LAMA3: variants seen among roughly 807,000 people sequenced by gnomAD.
LAMA3 encodes laminin subunit alpha-3.
Under a neutral mutation model 402.0 loss-of-function variants are expected in LAMA3, and 281 were observed. The ratio of observed to expected loss-of-function variants is 0.70; its 90% CI spans 0.63 to 0.77. LAMA3 has a LOEUF of 0.77. LAMA3 is among the 30% of genes least tolerant of loss of function. The pLI, the probability that LAMA3 is intolerant of heterozygous loss-of-function variation, is 0.00. For synonymous variants in LAMA3, 1,431 were observed against 1,558.4 expected (o/e 0.92, Z 1.93); for missense variants, 3,840 against 4,215.5 (o/e 0.91, Z 2.47).
At chr18:23,921,702 C>A in intron 62 of LAMA3, 117 bp downstream of exon 62, 1 of 996,062 alleles carries the variant, frequency 1.0e-6, no homozygotes, top group Non-Finnish European at 1.6e-6. Flanking sequence ...AAAAAGTTAA[C>A]TTTTCCATAT....
Position 23,813,105 on chromosome 18 carries a change from T to A in LAMA3, c.1788+2T>A. ...GCTGGTACCATCAACTCCAATTTGG[T>A]AAGTAGACTATAAAAGGGTTGCAAT... On this transcript the variant is annotated splice_donor_variant, in intron 14 of 74. Transcript: ENST00000313654. LOFTEE classifies it high-confidence loss of function. The A allele has an allele frequency of 6.3e-7, 1 of 1,596,056 alleles. No homozygotes were observed. Among genetic ancestry groups the A allele is most frequent in the Non-Finnish European group, 8.6e-7 (1 of 1,163,598 alleles).
rs183887514 is a variant in LAMA3, at chr18:23,954,768, G to A, written c.*120G>A. The A allele has an allele frequency of 1.6e-5, 18 of 1,091,452 alleles. No individual in the cohort carries two copies. Among genetic ancestry groups the A allele is most frequent in the Admixed American group, 8.7e-5 (5 of 57,450 alleles). The allele number at this position is 1,091,452 out of a possible 1,614,324, so 67.6% of individuals were successfully genotyped here. A position where few individuals can be genotyped will look rare whatever the true frequency, so the allele number is the denominator to read the frequency against. On this transcript the variant is annotated 3_prime_UTR_variant, in exon 75 of 75. Coordinates refer to ENST00000313654, the MANE Select transcript of LAMA3 (RefSeq NM_198129.4). ...ACACAAACCAGACAGGTTTAATAGC[G>A]AATCTAATTTTGAATTCTGACCATG...
chr18:23,932,888 A>T (rs956305738), intron 66 of LAMA3, among the ~76,000 whole-genome samples: 2 of 152,196 alleles, frequency 1.3e-5, no homozygotes, highest in Non-Finnish European at 2.9e-5. Context: ...CCCACCCATC[A>T]GGGCTCCATC....
intron 11 of LAMA3, chr18:23,781,386 A>G (rs2143970933): frequency 2.3e-6 from 1 of 441,982 alleles, no homozygotes; most frequent in South Asian, 1.6e-5. Context: ...ACTTTCTTCT[A>G]CCCTCTTAGG....
intron 2 of LAMA3, among the ~76,000 whole-genome samples, chr18:23,743,450 A>C (rs2061598102): frequency 6.6e-6 from 1 of 151,984 alleles, no homozygotes; most frequent in South Asian, 2.1e-4. Context: ...CCATCCATCC[A>C]CTCATTTATT....
rs1216719180 is a variant in LAMA3, at chr18:23,951,667, A to G, written c.9643-17A>G. On this transcript the variant is annotated splice_polypyrimidine_tract_variant and intron_variant, in intron 72 of 74. Coordinates refer to ENST00000313654, the MANE Select transcript of LAMA3 (RefSeq NM_198129.4). ...CTGCCTTCCTGAAGGAAATAGGAAA[A>G]TGCATGTGTGTTCCAGGTCACGGCC... 4.4e-6 allele frequency: 7 copies of G among 1,608,336 alleles called. No homozygotes were observed. The highest frequency in any genetic ancestry group is 1.1e-5 in the South Asian group (1 of 90,760).
At chr18:23,954,421 A>AAT in intron 74 of LAMA3, 82 bp from the exon 75 acceptor site, 1 of 1,263,352 alleles carries the variant, frequency 7.9e-7, no homozygotes. Flanking sequence ...AAAAAAAAAA[A>AAT]AATACTATCT....
Position 23,953,012 on chromosome 18 carries a change from G to A in LAMA3, c.9759G>A (p.Leu3253=). ...SVAVTIKQHI[L]HLELDTDSSY... ...CAGTCACCATAAAACAACACATCCT[G>A]CACCTGGAACTGGACACAGACAGTA... Residue 3253 remains leucine (L), a synonymous_variant, in exon 74 of 75, where the codon CTG becomes CTA. Transcript: ENST00000313654. The A allele has an allele frequency of 6.2e-7, 1 of 1,614,062 alleles. No homozygotes were observed. Among genetic ancestry groups the A allele is most frequent in the South Asian group, 1.1e-5 (1 of 91,078 alleles).
At chr18:23,817,965 C>T (rs981866251) in intron 18 of LAMA3, among the ~76,000 whole-genome samples, 6 of 152,020 alleles carry the variant, frequency 3.9e-5, no homozygotes, top group Admixed American at 1.3e-4. Flanking sequence ...ACCAGCCTGG[C>T]CAACATGGTG....
chr18:23,910,942 T>C (rs905487976), intron 55 of LAMA3, among the ~76,000 whole-genome samples: 5 of 152,112 alleles, frequency 3.3e-5, no homozygotes, highest in Non-Finnish European at 7.4e-5. Flanking sequence ...TGCATGGGAA[T>C]TTGCATGGGA....
At chr18:23,799,864 A>C (rs1284395797) in intron 12 of LAMA3, among the ~76,000 whole-genome samples, 1 of 152,246 alleles carries the variant, frequency 6.6e-6, no homozygotes, top group Non-Finnish European at 1.5e-5. Context: ...CTGCAGCTCA[A>C]GTCCAAAGAC....
intron 12 of LAMA3, among the ~76,000 whole-genome samples, chr18:23,807,382 GT>G (rs951973608): frequency 6.6e-6 from 1 of 152,046 alleles, no homozygotes; most frequent in African/African-American, 2.4e-5. Flanking sequence ...ATTAGTCAGG[GT>G]TCTCTAGATA....
At chr18:23,817,925 G>C (rs1163791068) in intron 18 of LAMA3, among the ~76,000 whole-genome samples, 1 of 152,128 alleles carries the variant, frequency 6.6e-6, no homozygotes, top group Admixed American at 6.5e-5. Context: ...GGGCCGAGGT[G>C]GGCGGATCAC....
chr18:23,694,463 A>C (rs2060647979), intron 1 of LAMA3, among the ~76,000 whole-genome samples: 1 of 152,232 alleles, frequency 6.6e-6, no homozygotes, highest in African/African-American at 2.4e-5. Flanking sequence ...GATGCTTGGC[A>C]CAGGTCTAAA....
chr18:23,758,331 A>G (rs1184404370), intron 6 of LAMA3, 65 bp from the exon 7 acceptor site: 14 of 1,178,980 alleles, frequency 1.2e-5, no homozygotes, highest in African/African-American at 1.5e-5. Flanking sequence ...GGTTCGCACT[A>G]TAGGATCAAC....
At chr18:23,802,368 C>T (rs184050276) in intron 12 of LAMA3, among the ~76,000 whole-genome samples, 157 of 152,296 alleles carry the variant, frequency 1.0e-3, no homozygotes, top group East Asian at 1.7e-3. Flanking sequence ...TGACACAAAT[C>T]TTCATTCTTG....
intron 72 of LAMA3, among the ~76,000 whole-genome samples, chr18:23,951,097 T>C (rs960019206): frequency 1.3e-5 from 2 of 152,232 alleles, no homozygotes; most frequent in Non-Finnish European, 2.9e-5. Context: ...TCTCATTTCA[T>C]TCCCCTTGAT....
At chr18:23,704,872 C>T (rs995783849) in intron 1 of LAMA3, among the ~76,000 whole-genome samples, 4 of 119,252 alleles carry the variant, frequency 3.4e-5, no homozygotes, top group African/African-American at 1.1e-4. Context: ...TAAGAAAGAT[C>T]ATAAAAAATG....
intron 12 of LAMA3, among the ~76,000 whole-genome samples, chr18:23,795,105 A>C (rs2062737661): frequency 1.3e-5 from 2 of 152,256 alleles, no homozygotes; most frequent in African/African-American, 4.8e-5. Context: ...TGCACACAGA[A>C]GGAATCCCAT....
Sources: gnomAD v4.1 joint callset for allele counts (sites outside exome capture counted in the v4.1 genomes callset) on GRCh38, gnomAD v4.1.1 for gene constraint, MANE v1.5 for transcripts, NCBI Gene and HGNC (gene_info 2026-07-23, HGNC 2026-07-21) for gene names.